The following CD99 variants were observed in gnomAD, a reference collection of about 807,000 sequenced individuals.
CD99 encodes CD99 molecule (Xg blood group).
In CD99, 19 loss-of-function variants were observed where a neutral mutation model predicts 28.4. The observed-to-expected ratio is 0.67, with a 90% CI of 0.47 to 0.98. The LOEUF is 0.98. CD99 is among the 50% of genes least tolerant of loss of function. The probability of loss-of-function intolerance (pLI) is 0.00; values close to 1 mark genes in which losing one functional copy is unlikely to be tolerated. For missense variants in CD99, 283 were observed against 248.8 expected (o/e 1.14, Z -0.92); for synonymous variants, 103 against 92.1 (o/e 1.12, Z -0.67).
At position 2,722,681 on chromosome X, in the gene CD99, T is replaced by TTA. The variant is rs753915623; in HGVS notation, c.310+9_310+10dup. ...GGCGTTTCAGGTGGAGAAGGTACAG[T>TTA]TATCTTGTTTTCTGTCTCTTTTCTC... On this transcript the variant is annotated splice_region_variant and intron_variant, in intron 6 of 9. Transcript: ENST00000381192. The TTA allele has an allele frequency of 1.2e-6, 2 of 1,613,782 alleles. No homozygotes were observed. The highest frequency in any genetic ancestry group is 3.3e-5 in the Admixed American group (2 of 60,006).
chrX:2,713,641 C>T lies in CD99; in HGVS notation c.68-781C>T, dbSNP rs764642902. ...CCTGTTGTGGAACTGGACACACTTCCGGTGTTCACAGGGCTCCTGCGGGTT... is the reference window on the plus strand; with the variant it reads ...CCTGTTGTGGAACTGGACACACTTCTGGTGTTCACAGGGCTCCTGCGGGTT... On this transcript the variant is annotated intron_variant, in intron 1 of 9. Transcript: ENST00000381192. Among the ~76,000 whole-genome samples the T allele has an allele frequency of 2.6e-5, 4 of 152,330 alleles. No homozygotes were observed. In the South Asian group the frequency reaches 6.2e-4, roughly 24 times the overall value.
At chrX:2,738,348 T>C in intron 9 of CD99, 92 bp downstream of exon 9, 1 of 1,265,196 alleles carries the variant, frequency 7.9e-7, no homozygotes, top group East Asian at 2.3e-5. Context: ...CCTGCTCACA[T>C]TCTCAAATTT....
intron 1 of CD99, chrX:2,691,844 C>T (rs764754354): frequency 3.9e-6 from 3 of 777,968 alleles, no homozygotes; most frequent in Non-Finnish European, 7.2e-6. Flanking sequence ...AGTTGCCTGT[C>T]ACAGCCACGC....
intron 8 of CD99, among the ~76,000 whole-genome samples, chrX:2,729,304 G>T (rs776793347): frequency 6.6e-6 from 1 of 152,276 alleles, no homozygotes; most frequent in East Asian, 1.9e-4. Context: ...GATCTTGTAA[G>T]CCTATTTCAT....
At chrX:2,722,579 C>G in intron 5 of CD99, 48 bp from the exon 6 acceptor site, 2 of 1,573,012 alleles carry the variant, frequency 1.3e-6, no homozygotes, top group Non-Finnish European at 1.8e-6. Flanking sequence ...CATGAAGACC[C>G]TTGGAGGAGT....
At chrX:2,729,110 A>G (rs1220881800) in intron 8 of CD99, among the ~76,000 whole-genome samples, 3 of 152,172 alleles carry the variant, frequency 2.0e-5, no homozygotes, top group Admixed American at 6.6e-5. Context: ...TGTTGGGATT[A>G]TAGGCGTGAG....
At chrX:2,720,785 C>T (rs564338001) in intron 5 of CD99, among the ~76,000 whole-genome samples, 1 of 151,808 alleles carries the variant, frequency 6.6e-6, no homozygotes, top group Non-Finnish European at 1.5e-5. Flanking sequence ...CTGCCATGCC[C>T]GGCTAATTTT....
Position 2,717,542 on chromosome X carries a change from A to G in CD99, c.101-63A>G, listed in dbSNP as rs2048788769. 5.4e-6 allele frequency: 7 copies of G among 1,290,292 alleles called. No homozygotes were observed. The Admixed American group carries it at 1.2e-4, about 22-fold the overall frequency. The allele number at this position is 1,290,292 out of a possible 1,614,324, so 79.9% of individuals were successfully genotyped here. On this transcript the variant is annotated intron_variant, in intron 2 of 9. Transcript: ENST00000381192. Reference sequence around the variant, plus strand: ...AGAAAATGAAACATCCTTAACCACAAAAGAGTTGACACTTGTTTTCCCAGC... The same window carrying G: ...AGAAAATGAAACATCCTTAACCACAGAAGAGTTGACACTTGTTTTCCCAGC...
chrX:2,736,151 G>C (rs1254278847), intron 8 of CD99, among the ~76,000 whole-genome samples: 1 of 150,194 alleles, frequency 6.7e-6, no homozygotes, highest in Non-Finnish European at 1.5e-5. Flanking sequence ...GCAGTGAGCC[G>C]AGATCGCGCC....
At chrX:2,723,442 C>A in intron 7 of CD99, 78 bp downstream of exon 7, 3 of 1,517,284 alleles carry the variant, frequency 2.0e-6, no homozygotes, top group South Asian at 2.2e-5. Context: ...TGAGAGCTGG[C>A]GGACTGCACT....
chrX:2,691,487 T>G (rs2047287631), intron 1 of CD99, 60 bp downstream of exon 1: 1 of 1,524,118 alleles, frequency 6.6e-7, no homozygotes, highest in Non-Finnish European at 8.8e-7. Context: ...GGACTGGGGA[T>G]CCGCTTGAGA....
chrX:2,694,417 C>T (rs772950967), intron 1 of CD99, among the ~76,000 whole-genome samples: 6 of 152,076 alleles, frequency 3.9e-5, no homozygotes, highest in Admixed American at 6.6e-5. Flanking sequence ...TTTCCATCAG[C>T]GCGTTTGGCT....
At chrX:2,701,420 G>T (rs760759041) in intron 1 of CD99, among the ~76,000 whole-genome samples, 1 of 152,330 alleles carries the variant, frequency 6.6e-6, no homozygotes, top group East Asian at 1.9e-4. Flanking sequence ...GCATCAATTT[G>T]GGCATAAAAG....
In CD99 at chrX:2,740,960, C is replaced by G; in HGVS notation, c.*156C>G. 1.2e-6 allele frequency: 1 copy of G among 852,752 alleles called. No homozygotes were observed. The highest frequency in any genetic ancestry group is 2.0e-6 in the Non-Finnish European group (1 of 507,254). 52.8% of individuals were successfully genotyped at this position (852,752 alleles called of 1,614,324 possible). A position where few individuals can be genotyped will look rare whatever the true frequency, so the allele number is the denominator to read the frequency against. On this transcript the variant is annotated 3_prime_UTR_variant, in exon 10 of 10. Transcript: ENST00000381192. ...ATCTTGCGATGTGCTTTGCTTGTTG[C>G]TGGGCGGATGATGTTTACTAACGAT...
At chrX:2,734,249 A>T (rs747095399) in intron 8 of CD99, among the ~76,000 whole-genome samples, 15 of 124,678 alleles carry the variant, frequency 1.2e-4, no homozygotes, top group South Asian at 2.7e-4. Flanking sequence ...CCTTCTATTT[A>T]TTTTACTTTT....
At chrX:2,707,496 C>T (rs867254881) in intron 1 of CD99, among the ~76,000 whole-genome samples, 4 of 151,600 alleles carry the variant, frequency 2.6e-5, no homozygotes, top group African/African-American at 7.3e-5. Context: ...ACTCTGGGTT[C>T]GTCCTGTTTT....
At position 2,723,408 on chromosome X, in the gene CD99, G is replaced by C. The variant is rs201814681; in HGVS notation, c.361+44G>C. On this transcript the variant is annotated intron_variant, in intron 7 of 9. Transcript: ENST00000381192. The stretch of plus-strand genomic sequence containing the variant: ...TGTCTTCTTGTCTCTCCCACGTGGT[G>C]TTGAGAAGGGGAAGCAGAATGTCTG... 27 of 1,603,396 alleles carry C rather than the reference G, an allele frequency of 1.7e-5. No homozygotes were observed. The East Asian group carries it at 4.9e-4, about 29-fold the overall frequency.
intron 8 of CD99, 110 bp from the exon 9 acceptor site, chrX:2,738,090 C>A: frequency 1.0e-6 from 1 of 963,842 alleles, no homozygotes; most frequent in Non-Finnish European, 1.7e-6. Flanking sequence ...TGCTCTCATC[C>A]AAGCAATAGG....
In CD99 at chrX:2,693,192, G is replaced by T. The variant is rs2047415725; in HGVS notation, c.67+1765G>T. 2.0e-5 allele frequency among the ~76,000 whole-genome samples: 3 copies of T among 151,926 alleles called. No homozygotes were observed. The South Asian group carries it at 6.3e-4, about 32-fold the overall frequency. On this transcript the variant is annotated intron_variant, in intron 1 of 9. Transcript: ENST00000381192. ...GGAGTTTCACTCTGTCACCAGTCTG[G>T]AGTGTAGTGGCACGATGTCGGCTCA...
Sources: allele counts gnomAD v4.1 joint callset (sites outside exome capture counted in the v4.1 genomes callset), GRCh38; gene constraint gnomAD v4.1.1; transcripts MANE v1.5; gene names NCBI Gene and HGNC (gene_info 2026-07-23, HGNC 2026-07-21).